NARF: variants seen among roughly 807,000 people sequenced by gnomAD.
The protein encoded by NARF is iron-only hydrogenase-like protein 2.
In NARF, 41 loss-of-function variants were observed where a neutral mutation model predicts 48.0. The observed-to-expected ratio is 0.85, with a 90% CI of 0.66 to 1.11. NARF has a LOEUF of 1.11. Among genes scored for constraint, NARF ranks in the 50% least tolerant of loss-of-function variants. The pLI is 0.00. For synonymous variants in NARF, 215 were observed against 225.5 expected (o/e 0.95, Z 0.42); for missense variants, 613 against 590.2 (o/e 1.04, Z -0.40).
At chr17:82,473,348 G>A (rs989811306) in intron 5 of NARF, among the ~76,000 whole-genome samples, 2 of 147,832 alleles carry the variant, frequency 1.4e-5, no homozygotes, top group African/African-American at 5.0e-5. Context: ...AGGCTGGAGT[G>A]CAGTGGTGTG....
intron 4 of NARF, among the ~76,000 whole-genome samples, chr17:82,472,348 A>T (rs961285063): frequency 3.3e-5 from 5 of 151,948 alleles, no homozygotes; most frequent in Non-Finnish European, 5.9e-5. Flanking sequence ...GCCAGGCATG[A>T]TGGCGGGCAC....
intron 3 of NARF, among the ~76,000 whole-genome samples, chr17:82,464,837 AG>A (rs1355698916): frequency 1.3e-5 from 2 of 152,238 alleles, no homozygotes; most frequent in Admixed American, 1.3e-4. Context: ...GGGGCAAGGC[AG>A]AGACACTCCA....
intron 5 of NARF, among the ~76,000 whole-genome samples, chr17:82,473,783 C>G (rs1421648704): frequency 6.6e-6 from 1 of 152,126 alleles, no homozygotes; most frequent in African/African-American, 2.4e-5. Flanking sequence ...GTCTTGAAAT[C>G]CTGACCTCAA....
At chr17:82,464,923 C>T (rs974325098) in intron 3 of NARF, among the ~76,000 whole-genome samples, 3 of 152,228 alleles carry the variant, frequency 2.0e-5, no homozygotes, top group African/African-American at 7.2e-5. Flanking sequence ...AGAGGTGCCA[C>T]TTGTCTTTCC....
intron 5 of NARF, chr17:82,478,467 G>C (rs1183558584): frequency 2.5e-6 from 1 of 404,886 alleles, no homozygotes; most frequent in African/African-American, 2.0e-5. Context: ...GATTTTGCAC[G>C]GTGCAGCCTG....
chr17:82,477,857 G>GT (rs2043870255), intron 5 of NARF: 1 of 152,276 alleles, frequency 6.6e-6, no homozygotes, highest in Admixed American at 6.6e-5. Context: ...CTCTGTGGGT[G>GT]TTTCCTGAGC....
chr17:82,458,692 G>C, upstream of NARF: 1 of 1,361,356 alleles, frequency 7.3e-7, no homozygotes, highest in South Asian at 1.7e-5. Context: ...TTGGGGGTGA[G>C]GCCGCGTCGG....
intron 2 of NARF, chr17:82,460,915 A>ATTTTTTTTTTTTTTTTTTTTTTT (rs137987200): frequency 6.7e-6 from 1 of 149,626 alleles, no homozygotes; most frequent in African/African-American, 2.5e-5. Context: ...TCTTCTTTTA[A>ATTTTTTTTTTTTTTTTTTTTTTT]TTTTTTTTTT....
intron 8 of NARF, chr17:82,484,076 C>A: frequency 2.9e-6 from 1 of 348,190 alleles, no homozygotes; most frequent in Non-Finnish European, 5.4e-6. Context: ...TGGCGCAGGG[C>A]TGTTCATGTG....
Position 82,485,538 on chromosome 17 carries a change from A to G in NARF, c.1013A>G (p.Glu338Gly), listed in dbSNP as rs777660336. The G allele has an allele frequency of 6.2e-7, 1 of 1,614,252 alleles. No individual in the cohort carries two copies. The highest frequency in any genetic ancestry group is 8.5e-7 in the Non-Finnish European group (1 of 1,180,054). Residue 338 changes from glutamate to glycine, a missense_variant, in exon 10 of 11, where the codon GAG becomes GGG. Transcript: ENST00000309794. ...FQEVTLEKNG[E>G]VVLRFAAAYG... Reference sequence around the variant, plus strand: ...GAGGTCACCCTTGAGAAGAACGGAGAGGTGGTGTTACGCTTTGCTGCAGCC... The same window carrying G: ...GAGGTCACCCTTGAGAAGAACGGAGGGGTGGTGTTACGCTTTGCTGCAGCC...
At position 82,488,206 on chromosome 17, in the gene NARF, TCTCAGTAGA is replaced by T; in HGVS notation, c.*50_*58del. On this transcript the variant is annotated 3_prime_UTR_variant, in exon 11 of 11. Transcript: ENST00000309794. The stretch of plus-strand genomic sequence containing the variant: ...GCTCTTGGGGCCAGAGCCAAGAGCC[TCTCAGTAGA>T]GGGAGGGGCTGCCCTGAGTGGAGTA... 1 of 1,594,436 alleles carries T rather than the reference TCTCAGTAGA, an allele frequency of 6.3e-7. No individual in the cohort carries two copies. The highest frequency in any genetic ancestry group is 8.6e-7 in the Non-Finnish European group (1 of 1,168,224).
intron 5 of NARF, among the ~76,000 whole-genome samples, chr17:82,473,471 C>A (rs1330358202): frequency 6.6e-6 from 1 of 151,952 alleles, no homozygotes; most frequent in African/African-American, 2.4e-5. Context: ...GCCTCACCCT[C>A]CCGAGTAGCT....
rs112789881 is a variant in NARF, at chr17:82,459,842, C to T, written c.28-150C>T. 5.1e-3 allele frequency: 3,063 copies of T among 604,268 alleles called. 79 individuals are homozygous for T. In the African/African-American group the frequency reaches 0.054, roughly 11 times the overall value. The allele number at this position is 604,268 out of a possible 1,614,324, so 37.4% of individuals were successfully genotyped here. On this transcript the variant is annotated intron_variant, in intron 1 of 10. Coordinates refer to ENST00000309794, the MANE Select transcript of NARF (RefSeq NM_012336.4). ...CGAGATTGCGCCCCTGCACTCCAGC[C>T]TGGGTGAGAGCGAGACTCCGTCTAA...
intron 4 of NARF, 87 bp downstream of exon 4, chr17:82,468,983 C>A: frequency 6.8e-7 from 1 of 1,478,474 alleles, no homozygotes. Context: ...TTCAAGGACG[C>A]AGGGTAGATA....
In NARF at chr17:82,474,446, C is replaced by T. The variant is rs79939595; in HGVS notation, c.520+1748C>T. ...TAGAGAGTTTGGGTTAAGAAATCTT[C>T]GATGATGCATAAGGGAATAAGGAAG... On this transcript the variant is annotated intron_variant, in intron 5 of 10. Transcript: ENST00000309794. Among the ~76,000 whole-genome samples, 43 of 152,132 alleles carry T rather than the reference C, an allele frequency of 2.8e-4. 1 individual carries two copies. The East Asian group carries it at 7.9e-3, about 28-fold the overall frequency.
chr17:82,475,905 A>G (rs931812355), intron 5 of NARF, among the ~76,000 whole-genome samples: 1 of 152,226 alleles, frequency 6.6e-6, no homozygotes, highest in East Asian at 1.9e-4. Context: ...ATGTAAGGAG[A>G]CTGCAAAAAG....
intron 4 of NARF, among the ~76,000 whole-genome samples, chr17:82,471,609 G>T (rs976884113): frequency 1.4e-5 from 2 of 143,662 alleles, no homozygotes; most frequent in Non-Finnish European, 3.0e-5. Context: ...TGGCTAACAC[G>T]GTGAAACCCC....
chr17:82,468,019 G>A (rs1256722766), intron 3 of NARF, among the ~76,000 whole-genome samples: 2 of 152,076 alleles, frequency 1.3e-5, no homozygotes. Context: ...TCTCTTTTAA[G>A]ACAGAGTATT....
At chr17:82,464,044 C>T (rs1428920629) in intron 2 of NARF, 2 of 466,432 alleles carry the variant, frequency 4.3e-6, no homozygotes, top group Non-Finnish European at 7.6e-6. Flanking sequence ...GGGTTCCACC[C>T]TTGTCATCTG....
Sources: gnomAD v4.1 joint callset for allele counts (sites outside exome capture counted in the v4.1 genomes callset) on GRCh38, gnomAD v4.1.1 for gene constraint, MANE v1.5 for transcripts, NCBI Gene and HGNC (gene_info 2026-07-23, HGNC 2026-07-21) for gene names.